Variants in C8orf34 observed in about 807,000 individuals in gnomAD.
The protein encoded by C8orf34 is chromosome 8 open reading frame 34.
In C8orf34, 65 loss-of-function variants were observed where a neutral mutation model predicts 68.3. That is an observed-to-expected ratio of 0.95 (90% confidence interval 0.78 to 1.17). The LOEUF is 1.17. C8orf34 is among the 50% of genes most tolerant of loss of function. C8orf34 has a pLI of 0.00. For synonymous variants in C8orf34, 244 were observed against 241.2 expected (o/e 1.01, Z -0.11); for missense variants, 664 against 655.4 (o/e 1.01, Z -0.14).
chr8:68,614,301 G>A (rs372809608), intron 7 of C8orf34, among the ~76,000 whole-genome samples: 7 of 151,764 alleles, frequency 4.6e-5, no homozygotes, highest in South Asian at 2.1e-4. Flanking sequence ...TAATTAGATC[G>A]CATTTGTCAA....
chr8:68,648,987 C>A (rs1819262261), intron 8 of C8orf34, among the ~76,000 whole-genome samples: 1 of 152,054 alleles, frequency 6.6e-6, no homozygotes, highest in South Asian at 2.1e-4. Context: ...ATGTAAATAA[C>A]CATACATTGT....
chr8:68,489,234 G>C (rs1255983090), intron 5 of C8orf34, among the ~76,000 whole-genome samples: 3 of 152,156 alleles, frequency 2.0e-5, no homozygotes, highest in African/African-American at 7.2e-5. Context: ...GCTGGAAAGA[G>C]AGAAGCACAT....
intron 1 of C8orf34, among the ~76,000 whole-genome samples, chr8:68,396,712 C>CAAAAAAAAAAAA: frequency 5.3e-5 from 1 of 18,700 alleles, no homozygotes; most frequent in Non-Finnish European, 1.0e-4. Flanking sequence ...AGCTGCTTGT[C>CAAAAAAAAAAAA]AAAAAAAAAA....
chr8:68,453,513 G>A (rs1261377816), intron 3 of C8orf34, among the ~76,000 whole-genome samples: 1 of 151,912 alleles, frequency 6.6e-6, no homozygotes, highest in African/African-American at 2.4e-5. Context: ...TATTCCAGAG[G>A]ATCTTATTCC....
At chr8:68,417,245 T>C (rs1212621328) in intron 1 of C8orf34, among the ~76,000 whole-genome samples, 1 of 152,170 alleles carries the variant, frequency 6.6e-6, no homozygotes, top group Non-Finnish European at 1.5e-5. Context: ...ATTACAGAAA[T>C]TCTCATATAC....
chr8:68,651,480 T>C (rs1479854395), intron 8 of C8orf34, among the ~76,000 whole-genome samples: 2 of 152,212 alleles, frequency 1.3e-5, no homozygotes, highest in Non-Finnish European at 2.9e-5. Flanking sequence ...ATCTGTGATA[T>C]GTGGAAGAGA....
intron 1 of C8orf34, among the ~76,000 whole-genome samples, chr8:68,349,468 A>C (rs1054996277): frequency 1.3e-5 from 2 of 151,234 alleles, no homozygotes; most frequent in African/African-American, 4.9e-5. Context: ...AGGTTTTAGT[A>C]TCAAGATAAT....
chr8:68,625,067 A>G (rs191778688), intron 7 of C8orf34, among the ~76,000 whole-genome samples: 1 of 152,336 alleles, frequency 6.6e-6, no homozygotes, highest in East Asian at 1.9e-4. Flanking sequence ...AAAGAATGAT[A>G]GAGGTTGCTC....
intron 12 of C8orf34, among the ~76,000 whole-genome samples, chr8:68,799,627 C>T (rs1824273062): frequency 6.6e-6 from 1 of 152,120 alleles, no homozygotes; most frequent in African/African-American, 2.4e-5. Flanking sequence ...CCCCTTAAAG[C>T]AATCATATTT....
At chr8:68,731,271 T>C (rs2129526859) in intron 10 of C8orf34, among the ~76,000 whole-genome samples, 1 of 152,312 alleles carries the variant, frequency 6.6e-6, no homozygotes, top group Non-Finnish European at 1.5e-5. Context: ...CTTTTTTACC[T>C]TTTAACCACA....
chr8:68,333,023 C>G (rs1005170183), intron 1 of C8orf34, among the ~76,000 whole-genome samples: 5 of 152,122 alleles, frequency 3.3e-5, no homozygotes, highest in Admixed American at 6.5e-5. Context: ...TGTGTTTTCT[C>G]TCTACTCTCC....
rs540771425 is a variant in C8orf34 at position 68,519,453 on chromosome 8, A to G, written c.766-2346A>G. Among the ~76,000 whole-genome samples the G allele has an allele frequency of 1.6e-4, 25 of 152,364 alleles. No homozygotes were observed. In the South Asian group the frequency reaches 3.7e-3, roughly 23 times the overall value. ...GTGACACACAGCAATTCTATTTTAAAAGCCTGCAAAGCAGAGCCAGTTGAA... is the reference window on the plus strand; with the variant it reads ...GTGACACACAGCAATTCTATTTTAAGAGCCTGCAAAGCAGAGCCAGTTGAA... On this transcript the variant is annotated intron_variant, in intron 5 of 13. Coordinates refer to ENST00000518698, the MANE Select transcript of C8orf34 (RefSeq NM_052958.4).
chr8:68,341,742 A>T (rs1806079152), intron 1 of C8orf34, among the ~76,000 whole-genome samples: 1 of 152,186 alleles, frequency 6.6e-6, no homozygotes, highest in Admixed American at 6.5e-5. Context: ...ACCTTCTGTC[A>T]TGAGTAAAAC....
chr8:68,526,227 G>A (rs1000801930), intron 6 of C8orf34, among the ~76,000 whole-genome samples: 3 of 152,014 alleles, frequency 2.0e-5, no homozygotes, highest in Admixed American at 2.0e-4. Flanking sequence ...CCAAAGTGCT[G>A]GGATTACAGG....
intron 5 of C8orf34, among the ~76,000 whole-genome samples, chr8:68,498,278 G>GT (rs1430666065): frequency 6.6e-6 from 1 of 152,196 alleles, no homozygotes; most frequent in African/African-American, 2.4e-5. Flanking sequence ...ATAAAGAAAG[G>GT]TAAAGAGAGG....
intron 8 of C8orf34, among the ~76,000 whole-genome samples, chr8:68,707,806 T>A (rs925397870): frequency 1.3e-5 from 2 of 152,170 alleles, no homozygotes; most frequent in Non-Finnish European, 2.9e-5. Context: ...TCAATAATAA[T>A]TTTTACTTAT....
At chr8:68,531,203 C>A (rs763972639) in intron 6 of C8orf34, among the ~76,000 whole-genome samples, 16 of 152,098 alleles carry the variant, frequency 1.1e-4, no homozygotes, top group Non-Finnish European at 8.8e-5. Context: ...AAACCAATCC[C>A]ACCATAAAGT....
chr8:68,612,919 T>G (rs781395093), intron 7 of C8orf34, among the ~76,000 whole-genome samples: 1 of 152,142 alleles, frequency 6.6e-6, no homozygotes, highest in African/African-American at 2.4e-5. Context: ...AAAATTCCCA[T>G]GCTTAGAAAA....
intron 1 of C8orf34, among the ~76,000 whole-genome samples, chr8:68,365,697 C>T (rs1432288235): frequency 1.4e-5 from 1 of 71,554 alleles, no homozygotes; most frequent in Non-Finnish European, 2.5e-5. Context: ...AATTCAACAA[C>T]CCTTCATGCT....
Sources: gnomAD v4.1 joint callset for allele counts (sites outside exome capture counted in the v4.1 genomes callset) on GRCh38, gnomAD v4.1.1 for gene constraint, MANE v1.5 for transcripts, NCBI Gene and HGNC (gene_info 2026-07-23, HGNC 2026-07-21) for gene names.